SPTA1: variants seen among roughly 807,000 people sequenced by gnomAD.
SPTA1 encodes spectrin alpha chain, erythrocytic 1.
A neutral mutation model predicts 324.7 loss-of-function variants in SPTA1; 177 were observed. The ratio of observed to expected loss-of-function variants is 0.55; its 90% CI spans 0.48 to 0.62. The LOEUF (loss-of-function observed/expected upper bound fraction) is 0.62. Among genes scored for constraint, SPTA1 ranks in the 20% least tolerant of loss-of-function variants. The pLI, the probability that SPTA1 is intolerant of heterozygous loss-of-function variation, is 0.00. For missense variants in SPTA1, 3,162 were observed against 2,883.6 expected (o/e 1.10, Z -2.21); for synonymous variants, 1,195 against 1,041.3 (o/e 1.15, Z -2.84).
chr1:158,632,559 T>G (rs967208621), intron 39 of SPTA1, among the ~76,000 whole-genome samples: 11 of 152,094 alleles, frequency 7.2e-5, no homozygotes, highest in Non-Finnish European at 1.6e-4. Flanking sequence ...ACAAAAAATG[T>G]AAAACATCAT....
intron 23 of SPTA1, 56 bp from the exon 24 acceptor site, chr1:158,651,524 C>T (rs1557959762): frequency 7.5e-6 from 9 of 1,199,218 alleles, no homozygotes; most frequent in South Asian, 1.2e-5. Flanking sequence ...AGTGTAAATC[C>T]CCTCATCAAG....
chr1:158,644,144 A>AG (rs1431195647), intron 30 of SPTA1, 109 bp downstream of exon 30: 1 of 1,479,478 alleles, frequency 6.8e-7, no homozygotes, highest in African/African-American at 1.4e-5. Context: ...CTCAAAAAAA[A>AG]AAAAAGTAAA....
At chr1:158,642,714 G>T (rs1651697945) in intron 32 of SPTA1, 100 bp downstream of exon 32, 2 of 1,595,402 alleles carry the variant, frequency 1.3e-6, no homozygotes, top group South Asian at 1.1e-5. Context: ...AGGCATGGTA[G>T]CCTCAACAGT....
chr1:158,650,047 C>T (rs187386419), intron 24 of SPTA1, 100 bp from the exon 25 acceptor site: 21 of 852,766 alleles, frequency 2.5e-5, no homozygotes, highest in South Asian at 5.8e-5. Context: ...GTTGTTTTTA[C>T]GTTATTTTCT....
Position 158,674,559 on chromosome 1 carries a change from T to C in SPTA1, c.1229A>G (p.Asp410Gly), listed in dbSNP as rs1654268801. The C allele has an allele frequency of 6.2e-7, 1 of 1,614,120 alleles. No homozygotes were observed. Among genetic ancestry groups the C allele is most frequent in the Non-Finnish European group, 8.5e-7 (1 of 1,179,994 alleles). The change falls in exon 9 of 52, where the codon GAC becomes GGC. Residue 410 changes from aspartate to glycine, a missense_variant. Transcript: ENST00000643759. ...CTCTACCTTATGCTGCTGATGCCTG[T>C]CCAGCAGAACTTCTCCACCAGCCAC... is the stretch of plus-strand genomic sequence containing the variant. ...TDVAGGEVLL[D>G]RHQQHKHEID...
Position 158,657,478 on chromosome 1 carries a change from C to T in SPTA1, c.2804G>A (p.Gly935Glu). Residue 935 changes from glycine (G) to glutamate (E), a missense_variant and splice_region_variant, in exon 19 of 52, where the codon GGG becomes GAG. By Grantham distance (98) the Gly-to-Glu change is moderately conservative (BLOSUM62 -2). Transcript: ENST00000643759. ...ATGTTAAACCCACCCCCACCTTACC[C>T]CAGCTGCTTCTTCATCAGCACCATA... ...TNYGADEEAA[G>E]ALLKKHEAFL... 1 of 1,606,364 alleles carries T rather than the reference C, an allele frequency of 6.2e-7. No individual in the cohort carries two copies. Among genetic ancestry groups the T allele is most frequent in the Non-Finnish European group, 8.5e-7 (1 of 1,173,650 alleles).
intron 42 of SPTA1, among the ~76,000 whole-genome samples, chr1:158,625,654 C>A (rs527888666): frequency 6.6e-6 from 1 of 150,934 alleles, no homozygotes; most frequent in Non-Finnish European, 1.5e-5. Flanking sequence ...ATAGAATAAA[C>A]CAAATAAGAA....
At chr1:158,681,403 C>T in intron 4 of SPTA1, 124 bp downstream of exon 4, 3 of 1,520,874 alleles carry the variant, frequency 2.0e-6, no homozygotes, top group Non-Finnish European at 2.7e-6. Flanking sequence ...TCCTCTTGTT[C>T]CAAAGAACAA....
chr1:158,686,355 G>A, intron 1 of SPTA1, 139 bp downstream of exon 1: 1 of 630,342 alleles, frequency 1.6e-6, no homozygotes, highest in South Asian at 1.8e-5. Context: ...ACAAAAAATA[G>A]TTAAAAGTAA....
At position 158,623,100 on chromosome 1, in the gene SPTA1, G is replaced by T. The variant is rs749678240; in HGVS notation, c.6003C>A (p.Asn2001Lys). The T allele has an allele frequency of 1.9e-6, 3 of 1,614,162 alleles. No individual in the cohort carries two copies. In the South Asian group the frequency reaches 3.3e-5, roughly 18 times the overall value. The part of the protein sequence containing the change: ...LKDKLISAQH[N>K]QSKAIEERYA... ...AACGCTCTTCAATGGCTTTAGACTG[G>T]TTGTGTTGAGCAGAAATCAGTTTGT... The change falls in exon 43 of 52, where the codon AAC becomes AAA. Residue 2001 changes from asparagine (N) to lysine (K), a missense_variant. Physicochemically the swap from Asn to Lys is moderately conservative, Grantham distance 94. Coordinates refer to ENST00000643759, the MANE Select transcript of SPTA1 (RefSeq NM_003126.4).
chr1:158,681,143 A>G (rs1218672875), intron 4 of SPTA1, among the ~76,000 whole-genome samples: 2 of 152,110 alleles, frequency 1.3e-5, no homozygotes, highest in East Asian at 3.9e-4. Flanking sequence ...AAAACCCTCC[A>G]TCTTTATAGG....
Position 158,645,533 on chromosome 1 carries a change from C to G in SPTA1, c.3958G>C (p.Asp1320His). The G allele has an allele frequency of 6.2e-7, 1 of 1,613,996 alleles. No individual in the cohort carries two copies. Among genetic ancestry groups the G allele is most frequent in the Non-Finnish European group, 8.5e-7 (1 of 1,179,930 alleles). Residue 1320 changes from aspartate (D) to histidine (H), a missense_variant, in exon 28 of 52, where the codon GAC (aspartate) becomes CAC (histidine). Physicochemically the swap from Asp to His is moderately conservative, Grantham distance 81. Transcript: ENST00000643759. ...AGCAAGATCTCTATGCCAGTTAAGT[C>G]TTCGGCCAGCTCCTGTGATGATACC... is the stretch of plus-strand genomic sequence containing the variant. Reference protein sequence around the residue: ...GMVSSQELAEDLTGIEILLER... With the variant: ...GMVSSQELAEHLTGIEILLER...
chr1:158,630,904 G>A (rs746667178), intron 39 of SPTA1, among the ~76,000 whole-genome samples: 11 of 151,932 alleles, frequency 7.2e-5, no homozygotes, highest in South Asian at 2.1e-4. Context: ...TATCAGGGAC[G>A]TGCAAATTAA....
intron 15 of SPTA1, 110 bp from the exon 16 acceptor site, chr1:158,666,607 A>G: frequency 1.0e-6 from 1 of 961,292 alleles, no homozygotes; most frequent in Non-Finnish European, 1.6e-6. Context: ...AATATTGCAA[A>G]GAGGGAAATA....
intron 26 of SPTA1, among the ~76,000 whole-genome samples, chr1:158,648,044 G>C (rs1332199254): frequency 6.6e-6 from 1 of 152,162 alleles, no homozygotes; most frequent in African/African-American, 2.4e-5. Flanking sequence ...TGCTCTGCAT[G>C]ATAATGCCAA....
chr1:158,662,048 A>G (rs376438545), intron 17 of SPTA1, among the ~76,000 whole-genome samples: 1 of 152,118 alleles, frequency 6.6e-6, no homozygotes, highest in African/African-American at 2.4e-5. Flanking sequence ...CTTTCTTACT[A>G]CTTCCCATTC....
At chr1:158,637,695 C>G (rs1651189281) in intron 36 of SPTA1, among the ~76,000 whole-genome samples, 1 of 152,178 alleles carries the variant, frequency 6.6e-6, no homozygotes, top group Non-Finnish European at 1.5e-5. Context: ...TATAGAATGA[C>G]AAGGTTCTGA....
At chr1:158,674,797 C>A in intron 8 of SPTA1, 122 bp from the exon 9 acceptor site, 1 of 1,341,378 alleles carries the variant, frequency 7.5e-7, no homozygotes, top group Non-Finnish European at 1.1e-6. Context: ...ATCCTAGGTT[C>A]CCTTTTTCCT....
intron 8 of SPTA1, 65 bp from the exon 9 acceptor site, chr1:158,674,740 A>T (rs557440905): frequency 6.2e-7 from 1 of 1,602,888 alleles, no homozygotes; most frequent in South Asian, 1.1e-5. Flanking sequence ...TTGAACAAAG[A>T]TTTAGGTTTG....
Sources: allele counts gnomAD v4.1 joint callset (sites outside exome capture counted in the v4.1 genomes callset), GRCh38; gene constraint gnomAD v4.1.1; transcripts MANE v1.5; gene names NCBI Gene and HGNC (gene_info 2026-07-23, HGNC 2026-07-21).